Variants in ARHGAP25 observed in about 807,000 individuals in gnomAD.
The protein encoded by ARHGAP25 is rho GTPase-activating protein 25.
In ARHGAP25, 34 loss-of-function variants were observed where a neutral mutation model predicts 71.0. The observed-to-expected ratio is 0.48, with a 90% CI of 0.36 to 0.64. The LOEUF (loss-of-function observed/expected upper bound fraction) is 0.64. Among genes scored for constraint, ARHGAP25 ranks in the 30% least tolerant of loss-of-function variants. The probability of loss-of-function intolerance (pLI) is 0.00; values close to 1 mark genes in which losing one functional copy is unlikely to be tolerated. For synonymous variants in ARHGAP25, 282 were observed against 296.5 expected, an observed-to-expected ratio of 0.95 and a Z score of 0.50; for missense variants, 706 against 805.1, an observed-to-expected ratio of 0.88 and a Z score of 1.49.
chr2:68,813,460 T>C (rs1223760893), intron 6 of ARHGAP25, 41 bp downstream of exon 6: 2 of 1,594,082 alleles, frequency 1.3e-6, no homozygotes, highest in South Asian at 1.1e-5. Context: ...TAGAAGAAAG[T>C]GATTGGTTTT....
chr2:68,746,107 A>G (rs1280930977), intron 1 of ARHGAP25, among the ~76,000 whole-genome samples: 1 of 152,222 alleles, frequency 6.6e-6, no homozygotes. Flanking sequence ...CATTTAAACT[A>G]TAGCACATAG....
chr2:68,770,118 G>T (rs10173408), intron 1 of ARHGAP25, among the ~76,000 whole-genome samples: 1 of 151,956 alleles, frequency 6.6e-6, no homozygotes, highest in African/African-American at 2.4e-5. Flanking sequence ...ACATCAGAGA[G>T]ACCAGCGGAG....
At position 68,746,174 on chromosome 2, in the gene ARHGAP25, C is replaced by A. The variant is rs117712076; in HGVS notation, c.61+10914C>A. ...TTTTATGCCTACTTTTTAATTTTCT[C>A]CTCAAGGTCTTAACACTTCCTTCTG... is the stretch of plus-strand genomic sequence containing the variant. On this transcript the variant is annotated intron_variant, in intron 1 of 10. Transcript: ENST00000409202. Among the ~76,000 whole-genome samples the A allele has an allele frequency of 3.3e-4, 51 of 152,306 alleles. 2 individuals are homozygous for A. In the East Asian group the frequency reaches 6.9e-3, roughly 21 times the overall value.
chr2:68,799,340 G>C (rs188082835), intron 4 of ARHGAP25, among the ~76,000 whole-genome samples: 1 of 152,156 alleles, frequency 6.6e-6, no homozygotes, highest in African/African-American at 2.4e-5. Flanking sequence ...TCCTGGGTAT[G>C]TCTGATAGGG....
intron 2 of ARHGAP25, among the ~76,000 whole-genome samples, chr2:68,712,176 G>C (rs1010770767): frequency 3.3e-5 from 5 of 152,178 alleles, no homozygotes; most frequent in Non-Finnish European, 7.3e-5. Context: ...TCTAGCATCT[G>C]TTGTTTCCTG....
At chr2:68,811,089 A>G (rs186948433) in intron 5 of ARHGAP25, among the ~76,000 whole-genome samples, 4 of 152,134 alleles carry the variant, frequency 2.6e-5, no homozygotes, top group East Asian at 3.9e-4. Context: ...TTCCCTTTCA[A>G]ACTCTGTTTT....
At chr2:68,720,869 T>G (rs1250487239) in intron 2 of ARHGAP25, among the ~76,000 whole-genome samples, 1 of 151,900 alleles carries the variant, frequency 6.6e-6, no homozygotes, top group Admixed American at 6.6e-5. Flanking sequence ...ACACCAGAGG[T>G]TTTTGGTCCA....
intron 2 of ARHGAP25, among the ~76,000 whole-genome samples, chr2:68,780,915 C>A (rs999813480): frequency 2.0e-5 from 3 of 152,194 alleles, no homozygotes; most frequent in Admixed American, 6.5e-5. Flanking sequence ...CAGAATCAGG[C>A]CTGCTACCTT....
intron 3 of ARHGAP25, among the ~76,000 whole-genome samples, 170 bp downstream of exon 3, chr2:68,782,490 T>TA (rs1206602860): frequency 6.6e-6 from 1 of 152,228 alleles, no homozygotes; most frequent in Non-Finnish European, 1.5e-5. Context: ...TATTGTAGTT[T>TA]ATTAACTAGT....
At chr2:68,732,994 C>A (rs1279721770), upstream of ARHGAP25, among the ~76,000 whole-genome samples, 3 of 152,218 alleles carry the variant, frequency 2.0e-5, no homozygotes, top group Non-Finnish European at 4.4e-5. Flanking sequence ...ACATTGGAAT[C>A]ATCTGCAAAT....
chr2:68,714,079 C>G (rs1475823087), intron 2 of ARHGAP25, among the ~76,000 whole-genome samples: 1 of 152,020 alleles, frequency 6.6e-6, no homozygotes, highest in East Asian at 1.9e-4. Context: ...CCTCTTTGTA[C>G]CTCTGGTAGA....
At chr2:68,773,654 T>C (rs1273304966) in intron 1 of ARHGAP25, among the ~76,000 whole-genome samples, 1 of 152,152 alleles carries the variant, frequency 6.6e-6, no homozygotes, top group Non-Finnish European at 1.5e-5. Flanking sequence ...GAATATATTT[T>C]TCAAAATCAA....
At chr2:68,807,245 G>C in intron 4 of ARHGAP25, 28 bp from the exon 5 acceptor site, 1 of 1,609,858 alleles carries the variant, frequency 6.2e-7, no homozygotes. Flanking sequence ...ACAGAATGAC[G>C]GGCAGGTTCT....
At chr2:68,733,806 G>C (rs749012781), upstream of ARHGAP25, among the ~76,000 whole-genome samples, 5 of 152,218 alleles carry the variant, frequency 3.3e-5, no homozygotes, top group Non-Finnish European at 4.4e-5. Flanking sequence ...AATGAATGGA[G>C]CAAGGCGTGC....
At chr2:68,810,739 T>TC (rs1558655624) in intron 5 of ARHGAP25, among the ~76,000 whole-genome samples, 1 of 148,016 alleles carries the variant, frequency 6.8e-6, no homozygotes, top group East Asian at 1.9e-4. Flanking sequence ...CTCTTTTTTT[T>TC]TTTTTTTTTT....
chr2:68,751,093 T>A (rs1469004091), intron 1 of ARHGAP25, among the ~76,000 whole-genome samples: 1 of 152,222 alleles, frequency 6.6e-6, no homozygotes, highest in Admixed American at 6.5e-5. Flanking sequence ...CCAAAAATTG[T>A]CTACCATTTC....
In ARHGAP25 at chr2:68,746,772, C is replaced by G. The variant is rs113546695; in HGVS notation, c.61+11512C>G. 1.2e-3 allele frequency among the ~76,000 whole-genome samples: 179 copies of G among 151,712 alleles called. 1 individual carries two copies. Among genetic ancestry groups the G allele is most frequent in the African/African-American group, 3.6e-3 (148 of 41,368 alleles). On this transcript the variant is annotated intron_variant, in intron 1 of 10. Transcript: ENST00000409202. ...TTGTAATCCCAGTACTTTGGGAGGC[C>G]GAGGCAGGAGGATCACCTGAGGTTG...
At chr2:68,764,684 CTCTCAGG>C (rs1224516350) in intron 1 of ARHGAP25, among the ~76,000 whole-genome samples, 2 of 152,130 alleles carry the variant, frequency 1.3e-5, no homozygotes, top group East Asian at 3.8e-4. Flanking sequence ...TTGGAAGGAG[CTCTCAGG>C]TCTCCATCTG....
At chr2:68,776,542 G>A (rs1384228335) in intron 2 of ARHGAP25, among the ~76,000 whole-genome samples, 2 of 152,208 alleles carry the variant, frequency 1.3e-5, no homozygotes, top group Non-Finnish European at 2.9e-5. Context: ...ATTTCCTGAT[G>A]CAGTGGATAA....
Sources: allele counts gnomAD v4.1 joint callset (sites outside exome capture counted in the v4.1 genomes callset), GRCh38; gene constraint gnomAD v4.1.1; transcripts MANE v1.5; gene names NCBI Gene and HGNC (gene_info 2026-07-23, HGNC 2026-07-21).